The following MTOR variants were observed in gnomAD, a reference collection of about 807,000 sequenced individuals.
MTOR encodes mechanistic target of rapamycin kinase, also known as serine/threonine-protein kinase mTOR.
In MTOR, 70 loss-of-function variants were observed where a neutral mutation model predicts 319.8. The ratio of observed to expected loss-of-function variants is 0.22; its 90% CI spans 0.18 to 0.27. The LOEUF (loss-of-function observed/expected upper bound fraction) is 0.27, where lower values mean the gene tolerates loss of function less well. Ranked by LOEUF, MTOR falls within the 10% of genes least tolerant of loss-of-function variation. The probability of loss-of-function intolerance (pLI) is 1.00; values close to 1 mark genes in which losing one functional copy is unlikely to be tolerated. For synonymous variants in MTOR, 1,183 were observed against 1,211.4 expected (o/e 0.98, Z 0.49); for missense variants, 1,890 against 3,274.4 (o/e 0.58, Z 10.32).
chr1:11,191,583 A>G (rs1645532286), intron 28 of MTOR, among the ~76,000 whole-genome samples: 1 of 152,318 alleles, frequency 6.6e-6, no homozygotes, highest in Admixed American at 6.5e-5. Flanking sequence ...TTTGATATTT[A>G]GAATACAGAG....
rs182050019 is a variant in MTOR, at chr1:11,186,037, C to T, written c.4253+13221G>A. On this transcript the variant is annotated intron_variant, in intron 28 of 57. Coordinates refer to ENST00000361445, the MANE Select transcript of MTOR (RefSeq NM_004958.4). The stretch of plus-strand genomic sequence containing the variant: ...GGCAGAGCTTCCAGTGAGCCAAGAT[C>T]GTGCCACTGCACTCCAGCCTGGACG... Among the ~76,000 whole-genome samples, 578 of 137,678 alleles carry T rather than the reference C, an allele frequency of 4.2e-3. 3 individuals are homozygous for T. Among genetic ancestry groups the T allele is most frequent in the Non-Finnish European group, 6.5e-3 (429 of 66,236 alleles). 90.3% of individuals were successfully genotyped at this position (137,678 alleles called of 152,430 possible). A position where few individuals can be genotyped will look rare whatever the true frequency, so the allele number is the denominator to read the frequency against.
At chr1:11,181,084 C>T (rs1645131388) in intron 28 of MTOR, among the ~76,000 whole-genome samples, 1 of 152,122 alleles carries the variant, frequency 6.6e-6, no homozygotes, top group Admixed American at 6.6e-5. Context: ...CGAAATAAGG[C>T]AGTTTTTATG....
intron 29 of MTOR, among the ~76,000 whole-genome samples, chr1:11,158,891 T>C: frequency 6.6e-6 from 1 of 152,224 alleles, no homozygotes; most frequent in East Asian, 1.9e-4. Context: ...AAAATTCTAA[T>C]GAGATTGCTG....
chr1:11,260,033 A>G (rs1324997906), intron 1 of MTOR, among the ~76,000 whole-genome samples: 1 of 152,246 alleles, frequency 6.6e-6, no homozygotes, highest in Non-Finnish European at 1.5e-5. Flanking sequence ...TAAATGACTT[A>G]ATACGTGTCA....
intron 47 of MTOR, 128 bp from the exon 48 acceptor site, chr1:11,122,254 A>C (rs1181803452): frequency 8.7e-7 from 1 of 1,150,674 alleles, no homozygotes; most frequent in Admixed American, 2.7e-5. Context: ...CCCAGGCTGG[A>C]GTGCAGTGGC....
intron 4 of MTOR, 26 bp downstream of exon 4, chr1:11,256,907 C>T (rs1650475676): frequency 6.2e-7 from 1 of 1,604,598 alleles, no homozygotes; most frequent in Non-Finnish European, 8.5e-7. Context: ...CCAAGCCTGG[C>T]TGTGCTCCTC....
intron 25 of MTOR, among the ~76,000 whole-genome samples, chr1:11,205,533 G>A (rs1646109560): frequency 6.6e-6 from 1 of 152,136 alleles, no homozygotes; most frequent in African/African-American, 2.4e-5. Context: ...CACAAAGTTA[G>A]TACTATTTGC....
chr1:11,118,228 A>ATTTTATTTTTTTTTTTTTT (rs1642282624), intron 49 of MTOR, among the ~76,000 whole-genome samples: 2 of 120,766 alleles, frequency 1.7e-5, no homozygotes, highest in African/African-American at 8.0e-5. Context: ...AACTTAGTTA[A>ATTTTATTTTTTTTTTTTTT]TTTTTTTTTT....
chr1:11,224,268 A>G (rs117421867), intron 19 of MTOR, among the ~76,000 whole-genome samples: 1,693 of 152,180 alleles, frequency 0.011, 67 homozygotes, highest in South Asian at 0.065. Flanking sequence ...TACCTCCAAA[A>G]AAAAGCTGGT....
chr1:11,153,338 G>A (rs527544672), intron 30 of MTOR, among the ~76,000 whole-genome samples: 1 of 152,352 alleles, frequency 6.6e-6, no homozygotes, highest in Admixed American at 6.5e-5. Flanking sequence ...CCAGAGCTCA[G>A]ATTATGAGAG....
intron 56 of MTOR, among the ~76,000 whole-genome samples, chr1:11,108,541 C>T (rs1239255780): frequency 1.3e-5 from 2 of 151,878 alleles, no homozygotes; most frequent in East Asian, 3.9e-4. Context: ...TGGTGAAACC[C>T]TGTCTTTACT....
intron 28 of MTOR, chr1:11,193,918 T>C (rs1206038465): frequency 3.1e-6 from 3 of 977,520 alleles, no homozygotes; most frequent in Non-Finnish European, 4.4e-6. Flanking sequence ...GTAATGGAGT[T>C]GAGGAAAAAT....
intron 29 of MTOR, among the ~76,000 whole-genome samples, chr1:11,162,945 A>C (rs1360091339): frequency 1.3e-5 from 2 of 152,230 alleles, no homozygotes; most frequent in Non-Finnish European, 2.9e-5. Context: ...TATTAACTTT[A>C]AATGTAAATG....
At chr1:11,255,846 CAAAAAAAAA>C in intron 5 of MTOR, 137 bp downstream of exon 5, 1 of 532,696 alleles carries the variant, frequency 1.9e-6, no homozygotes, top group Non-Finnish European at 2.9e-6. Flanking sequence ...GACTCCATCA[CAAAAAAAAA>C]AAAAAAAAAA....
intron 19 of MTOR, among the ~76,000 whole-genome samples, chr1:11,219,603 CG>C (rs1330044991): frequency 6.6e-6 from 1 of 152,034 alleles, no homozygotes; most frequent in Non-Finnish European, 1.5e-5. Context: ...TTATAAAACA[CG>C]TGAGGAAACA....
chr1:11,260,100 T>C (rs1284941227), intron 1 of MTOR, among the ~76,000 whole-genome samples: 1 of 152,250 alleles, frequency 6.6e-6, no homozygotes, highest in Non-Finnish European at 1.5e-5. Context: ...TGTTAGCTAT[T>C]ATTATTACTA....
intron 49 of MTOR, among the ~76,000 whole-genome samples, chr1:11,117,535 C>T (rs976151429): frequency 2.0e-5 from 3 of 152,142 alleles, no homozygotes; most frequent in African/African-American, 7.2e-5. Context: ...ATTCACAATT[C>T]TAACAATGAA....
In MTOR at chr1:11,127,156, A is replaced by G. The variant is rs2100402854; in HGVS notation, c.6217-12T>C. 1 of 1,613,498 alleles carries G rather than the reference A, an allele frequency of 6.2e-7. No individual in the cohort carries two copies. The highest frequency in any genetic ancestry group is 2.2e-5 in the East Asian group (1 of 44,884). ...TCTCGACCATAGGCCTGAGAGAGAA[A>G]GCAGGCACGTTTTCAAGTTATCAAA... On this transcript the variant is annotated splice_polypyrimidine_tract_variant and intron_variant, in intron 44 of 57. Transcript: ENST00000361445. This position sits in a 1 kb window ranked among gnomAD's most constrained non-coding sequence, Gnocchi z 5.5.
At position 11,119,010 on chromosome 1, in the gene MTOR, C is replaced by T. The variant is rs374939095; in HGVS notation, c.6934-1924G>A. ...GCCTCAGCCTCCCAAGTAGCTGAGA[C>T]TACAGGTGTGTACCATAGTGTCTGA... is the stretch of plus-strand genomic sequence containing the variant. On this transcript the variant is annotated intron_variant, in intron 49 of 57. Transcript: ENST00000361445. Among the ~76,000 whole-genome samples, 11 of 152,142 alleles carry T rather than the reference C, an allele frequency of 7.2e-5. No individual in the cohort carries two copies. The South Asian group carries it at 2.3e-3, about 32-fold the overall frequency.
Sources: allele counts gnomAD v4.1 joint callset (sites outside exome capture counted in the v4.1 genomes callset), GRCh38; gene constraint gnomAD v4.1.1; non-coding constraint Gnocchi (gnomAD v3.1); transcripts MANE v1.5; gene names NCBI Gene and HGNC (gene_info 2026-07-23, HGNC 2026-07-21).